ASAP2: variants seen among roughly 807,000 people sequenced by gnomAD.
ASAP2 encodes ArfGAP with SH3 domain, ankyrin repeat and PH domain 2.
In ASAP2, 45 loss-of-function variants were observed where a neutral mutation model predicts 131.4. The ratio of observed to expected loss-of-function variants is 0.34; its 90% CI spans 0.27 to 0.44. ASAP2 has a LOEUF of 0.44. ASAP2 is among the 20% of genes least tolerant of loss of function. The pLI, the probability that ASAP2 is intolerant of heterozygous loss-of-function variation, is 1.00. For missense variants in ASAP2, 1,011 were observed against 1,297.0 expected, an observed-to-expected ratio of 0.78 and a Z score of 3.39; for synonymous variants, 510 against 503.0, an observed-to-expected ratio of 1.01 and a Z score of -0.19.
intron 1 of ASAP2, among the ~76,000 whole-genome samples, chr2:9,215,231 C>T (rs1661932854): frequency 6.6e-6 from 1 of 151,952 alleles, no homozygotes; most frequent in Non-Finnish European, 1.5e-5. Flanking sequence ...AGTAAAAATC[C>T]CTCTTATAAT....
chr2:9,271,450 A>C (rs1360492322), intron 1 of ASAP2: 26 of 1,404,548 alleles, frequency 1.9e-5, no homozygotes, highest in Non-Finnish European at 2.6e-5. Flanking sequence ...AAACGCCTTC[A>C]CTGGTTTCTT....
intron 2 of ASAP2, among the ~76,000 whole-genome samples, chr2:9,296,108 G>A (rs1572379209): frequency 6.6e-6 from 1 of 152,216 alleles, no homozygotes; most frequent in African/African-American, 2.4e-5. Context: ...CTCTGGTGGA[G>A]TTCACATCCA....
chr2:9,210,436 C>T (rs1470737128), intron 1 of ASAP2, among the ~76,000 whole-genome samples: 1 of 152,102 alleles, frequency 6.6e-6, no homozygotes, highest in Non-Finnish European at 1.5e-5. Flanking sequence ...TTAGTGAGTC[C>T]ACAGGCCCCA....
chr2:9,402,748 ACT>A (rs1356490334), intron 27 of ASAP2, among the ~76,000 whole-genome samples: 1 of 152,062 alleles, frequency 6.6e-6, no homozygotes, highest in African/African-American at 2.4e-5. Context: ...CATCATTTAC[ACT>A]CTTGAGATCA....
At chr2:9,295,652 G>A (rs1192640117) in intron 2 of ASAP2, among the ~76,000 whole-genome samples, 1 of 152,060 alleles carries the variant, frequency 6.6e-6, no homozygotes, top group Non-Finnish European at 1.5e-5. Flanking sequence ...GCGTTTGCGG[G>A]TGTGTGTGTG....
intron 6 of ASAP2, among the ~76,000 whole-genome samples, chr2:9,327,230 G>T (rs151110830): frequency 6.6e-6 from 1 of 152,194 alleles, no homozygotes; most frequent in South Asian, 2.1e-4. Context: ...CAGCGGAGGG[G>T]ATGGGGACTC....
intron 15 of ASAP2, among the ~76,000 whole-genome samples, chr2:9,365,931 T>C (rs903763755): frequency 3.3e-5 from 5 of 151,870 alleles, no homozygotes; most frequent in Non-Finnish European, 7.4e-5. Flanking sequence ...ACTTAAACAC[T>C]CCCTCCTCTC....
At chr2:9,368,910 C>T (rs1673700550) in intron 16 of ASAP2, among the ~76,000 whole-genome samples, 1 of 151,968 alleles carries the variant, frequency 6.6e-6, no homozygotes, top group Non-Finnish European at 1.5e-5. Context: ...GATTATGTAG[C>T]GTCCTTCTTG....
At chr2:9,335,604 G>A (rs975864874) in intron 9 of ASAP2, among the ~76,000 whole-genome samples, 5 of 152,192 alleles carry the variant, frequency 3.3e-5, no homozygotes, top group Non-Finnish European at 2.9e-5. Context: ...CCCTGAGATT[G>A]TGTTCTATAA....
At chr2:9,322,142 C>T (rs1670186889) in intron 5 of ASAP2, among the ~76,000 whole-genome samples, 1 of 152,188 alleles carries the variant, frequency 6.6e-6, no homozygotes, top group African/African-American at 2.4e-5. Flanking sequence ...CATTAAACAA[C>T]AACATCCCTC....
intron 16 of ASAP2, among the ~76,000 whole-genome samples, chr2:9,369,492 G>T (rs1333303039): frequency 6.6e-6 from 1 of 152,122 alleles, no homozygotes; most frequent in Non-Finnish European, 1.5e-5. Context: ...GCTCTGTTTA[G>T]TATTATGGCT....
intron 3 of ASAP2, among the ~76,000 whole-genome samples, chr2:9,306,076 G>A (rs55892385): frequency 0.64 from 83,548 of 131,384 alleles, 27,499 homozygotes; most frequent in East Asian, 0.84. Context: ...GAGGCTGTAG[G>A]GGGTGGGGTT....
At chr2:9,272,792 C>T (rs1666488894) in intron 1 of ASAP2, among the ~76,000 whole-genome samples, 1 of 152,152 alleles carries the variant, frequency 6.6e-6, no homozygotes, top group South Asian at 2.1e-4. Flanking sequence ...CTTCCCAGCA[C>T]AATTTATTGA....
chr2:9,297,852 A>G (rs564145795), intron 3 of ASAP2, among the ~76,000 whole-genome samples: 1 of 152,352 alleles, frequency 6.6e-6, no homozygotes, highest in African/African-American at 2.4e-5. Flanking sequence ...CCTGTAATCA[A>G]AGCACAGAAA....
intron 15 of ASAP2, among the ~76,000 whole-genome samples, chr2:9,365,345 T>G (rs1272137557): frequency 6.6e-6 from 1 of 152,140 alleles, no homozygotes; most frequent in Non-Finnish European, 1.5e-5. Flanking sequence ...GGAGCTGACC[T>G]TGGGGTCTCC....
intron 1 of ASAP2, among the ~76,000 whole-genome samples, chr2:9,241,718 G>A (rs1663982889): frequency 6.6e-6 from 1 of 152,180 alleles, no homozygotes; most frequent in Non-Finnish European, 1.5e-5. Context: ...TTTTCCTATT[G>A]TGGATATGTA....
chr2:9,320,999 A>T (rs1355783853), intron 5 of ASAP2, among the ~76,000 whole-genome samples: 3 of 152,196 alleles, frequency 2.0e-5, no homozygotes, highest in Non-Finnish European at 4.4e-5. Flanking sequence ...GTCGAGCTAC[A>T]GGGAATTGAT....
Position 9,207,193 on chromosome 2 carries a change from C to A in ASAP2, c.89C>A (p.Thr30Lys). 6.2e-7 allele frequency: 1 copy of A among 1,602,314 alleles called. No individual in the cohort carries two copies. The highest frequency in any genetic ancestry group is 8.5e-7 in the Non-Finnish European group (1 of 1,175,378). ...ACGGCCTCCAGCTTCACCACCCGCACGGCGCAGTGCCGGAACACTGTGGCG... is the reference window on the plus strand; with the variant it reads ...ACGGCCTCCAGCTTCACCACCCGCAAGGCGCAGTGCCGGAACACTGTGGCG... ...APTASSFTTRTAQCRNTVAAI... is the reference protein window; with the variant it reads ...APTASSFTTRKAQCRNTVAAI... Residue 30 changes from threonine (T) to lysine (K), a missense_variant, in exon 1 of 28, where the codon ACG (threonine) becomes AAG (lysine). Thr to Lys is a moderately conservative substitution (Grantham distance 78). Around this residue, in one of 2 missense-constraint regions of ASAP2, gnomAD observed 359 missense variants for 598.1 expected, o/e 0.60. Transcript: ENST00000281419. The surrounding 1 kb of genome is among the most constrained non-coding windows in gnomAD (Gnocchi z 4.1).
rs70948813 is a variant in ASAP2 at position 9,264,195 on chromosome 2, AAATAAT to A, written c.127-15098_127-15093del. On this transcript the variant is annotated intron_variant, in intron 1 of 27. Coordinates refer to ENST00000281419, the MANE Select transcript of ASAP2 (RefSeq NM_003887.3). ...CAGTGAGTGAGACCCTGTCTCAAAA[AAATAAT>A]AATAATAATAATAATAATAATAAAC... Among the ~76,000 whole-genome samples, 287 of 141,918 alleles carry A rather than the reference AAATAAT, an allele frequency of 2.0e-3. 7 individuals carry two copies. The highest frequency in any genetic ancestry group is 6.7e-3 in the African/African-American group (256 of 38,018). The allele number at this position is 141,918 out of a possible 152,430, so 93.1% of individuals were successfully genotyped here.
Sources: gnomAD v4.1 joint callset for allele counts (sites outside exome capture counted in the v4.1 genomes callset) on GRCh38, gnomAD v4.1.1 for gene constraint, gnomAD v4.1.1 regional missense constraint, Gnocchi (gnomAD v3.1) non-coding constraint, MANE v1.5 for transcripts, NCBI Gene and HGNC (gene_info 2026-07-23, HGNC 2026-07-21) for gene names.